The following NMNAT3 variants were observed in gnomAD, a reference collection of about 807,000 sequenced individuals.
The protein encoded by NMNAT3 is nicotinamide nucleotide adenylyltransferase 3, also known as nicotinamide/nicotinic acid mononucleotide adenylyltransferase 3.
NMNAT3 carries 21 observed loss-of-function variants against 24.8 expected under a neutral mutation model. The observed-to-expected ratio is 0.85, with a 90% CI of 0.60 to 1.22. The LOEUF is 1.22. NMNAT3 is among the 50% of genes most tolerant of loss of function. NMNAT3 has a pLI of 0.00. For missense variants in NMNAT3, 387 were observed against 436.6 expected (o/e 0.89, Z 1.01); for synonymous variants, 136 against 155.2 (o/e 0.88, Z 0.92).
chr3:139,573,618 G>A lies in NMNAT3; in HGVS notation c.638C>T (p.Ala213Val). 1 of 1,601,852 alleles carries A rather than the reference G, an allele frequency of 6.2e-7. No homozygotes were observed. ...CCCACCTGCAGGGGTCGAGAAGAGT[G>A]CCTTGCCATGGTCTGGGCCTTCCAT... The change falls in exon 6 of 7, where the codon GCA becomes GTA. Residue 213 changes from alanine (A) to valine (V), a missense_variant. Around this residue, in one of 3 missense-constraint regions of NMNAT3, gnomAD observed 323 missense variants for 345.2 expected, o/e 0.94. Coordinates refer to ENST00000643695, the MANE Select transcript of NMNAT3 (RefSeq NM_001320510.2).
chr3:139,644,197 G>T (rs959948460), intron 1 of NMNAT3, among the ~76,000 whole-genome samples: 1 of 152,100 alleles, frequency 6.6e-6, no homozygotes, highest in Admixed American at 6.6e-5. Flanking sequence ...CAACCTAATT[G>T]ATAACACATT....
intron 2 of NMNAT3, chr3:139,636,770 T>C (rs937545628): frequency 3.9e-5 from 6 of 152,188 alleles, no homozygotes; most frequent in African/African-American, 1.4e-4. Flanking sequence ...TTTTTAGCAA[T>C]GTTATGAGTG....
chr3:139,652,649 T>C (rs928579921), intron 1 of NMNAT3, among the ~76,000 whole-genome samples: 5 of 152,216 alleles, frequency 3.3e-5, no homozygotes, highest in African/African-American at 1.2e-4. Flanking sequence ...ATTGACTCCC[T>C]GGTTCCCAAC....
intron 3 of NMNAT3, among the ~76,000 whole-genome samples, chr3:139,596,860 C>T (rs182959540): frequency 0.012 from 1,649 of 141,188 alleles, 17 homozygotes; most frequent in Middle Eastern, 0.079. Context: ...AACAAATGTC[C>T]TTGGCTGTTC....
chr3:139,647,502 G>C (rs569817332), intron 1 of NMNAT3, among the ~76,000 whole-genome samples: 2 of 152,290 alleles, frequency 1.3e-5, no homozygotes, highest in South Asian at 4.1e-4. Flanking sequence ...TTGGAAAAAG[G>C]GTCATTGCAG....
intron 3 of NMNAT3, among the ~76,000 whole-genome samples, chr3:139,592,221 G>C (rs1243862783): frequency 6.6e-6 from 1 of 152,178 alleles, no homozygotes; most frequent in Non-Finnish European, 1.5e-5. Context: ...GGGTATCAGC[G>C]ATGGAAGATG....
chr3:139,641,821 T>C, intron 1 of NMNAT3, among the ~76,000 whole-genome samples: 1 of 152,226 alleles, frequency 6.6e-6, no homozygotes, highest in East Asian at 1.9e-4. Context: ...TGGTCCTTCT[T>C]GCAGCACAGC....
chr3:139,672,720 G>A (rs924068661), intron 1 of NMNAT3: 1 of 152,178 alleles, frequency 6.6e-6, no homozygotes, highest in Non-Finnish European at 1.5e-5. Flanking sequence ...AGACTGGTAG[G>A]GATTGGAGAT....
intron 3 of NMNAT3, among the ~76,000 whole-genome samples, chr3:139,612,733 G>A (rs2055285184): frequency 6.6e-6 from 1 of 152,168 alleles, no homozygotes; most frequent in African/African-American, 2.4e-5. Context: ...CACATGGTGA[G>A]CGAGTTGGTT....
intron 1 of NMNAT3, among the ~76,000 whole-genome samples, chr3:139,640,109 G>A (rs982404730): frequency 1.3e-5 from 2 of 152,174 alleles, no homozygotes; most frequent in Non-Finnish European, 2.9e-5. Flanking sequence ...GCACCAGCAG[G>A]ACAGGTTTTC....
chr3:139,614,309 A>G (rs910884839), intron 3 of NMNAT3, among the ~76,000 whole-genome samples: 3 of 151,212 alleles, frequency 2.0e-5, no homozygotes, highest in Admixed American at 2.0e-4. Context: ...GGCATTTCAG[A>G]CTCCACGATC....
In NMNAT3 at chr3:139,669,264, G is replaced by C. The variant is rs527338893; in HGVS notation, c.-141+8441C>G. On this transcript the variant is annotated intron_variant, in intron 1 of 6. Coordinates refer to ENST00000643695, the MANE Select transcript of NMNAT3 (RefSeq NM_001320510.2). ...AAGGCAGGCAGATCACTTGAGCCTTGGAGTTCAAAACCAGCCTGAACAATA... is the reference window on the plus strand; with the variant it reads ...AAGGCAGGCAGATCACTTGAGCCTTCGAGTTCAAAACCAGCCTGAACAATA... Among the ~76,000 whole-genome samples the C allele has an allele frequency of 3.2e-4, 49 of 152,030 alleles. No homozygotes were observed. The South Asian group carries it at 9.8e-3, about 30-fold the overall frequency.
intron 6 of NMNAT3, chr3:139,566,458 A>T (rs1262995430): frequency 6.6e-6 from 1 of 152,186 alleles, no homozygotes; most frequent in Non-Finnish European, 1.5e-5. Context: ...CCTGAATGGT[A>T]ATGCCTAGGT....
At chr3:139,632,471 C>T (rs1457829851) in intron 2 of NMNAT3, among the ~76,000 whole-genome samples, 1 of 152,242 alleles carries the variant, frequency 6.6e-6, no homozygotes, top group South Asian at 2.1e-4. Flanking sequence ...TTTGCCAAGA[C>T]AGTCCAGACA....
chr3:139,582,517 C>T (rs2053689490), intron 4 of NMNAT3, among the ~76,000 whole-genome samples: 1 of 151,458 alleles, frequency 6.6e-6, no homozygotes, highest in African/African-American at 2.4e-5. Context: ...TGGTGGGCAC[C>T]TGTAATCCCA....
chr3:139,635,443 C>G (rs907641538), intron 2 of NMNAT3: 3 of 152,182 alleles, frequency 2.0e-5, no homozygotes, highest in Non-Finnish European at 4.4e-5. Context: ...CATGAACAGA[C>G]AGTCTAATAT....
intron 3 of NMNAT3, among the ~76,000 whole-genome samples, chr3:139,591,633 G>C (rs548848812): frequency 2.0e-4 from 31 of 152,346 alleles, no homozygotes; most frequent in African/African-American, 5.0e-4. Context: ...AGAACGGGCA[G>C]ACTGCCTCCT....
intron 1 of NMNAT3, among the ~76,000 whole-genome samples, chr3:139,649,391 T>C (rs1480024502): frequency 6.6e-6 from 1 of 152,132 alleles, no homozygotes; most frequent in Non-Finnish European, 1.5e-5. Context: ...GTCTTCCATG[T>C]TTTTATTTAA....
intron 1 of NMNAT3, among the ~76,000 whole-genome samples, chr3:139,665,725 G>GGAGAGA (rs10547665): frequency 0.012 from 1,710 of 139,608 alleles, 13 homozygotes; most frequent in African/African-American, 0.023. Context: ...ATTTGTAACA[G>GGAGAGA]GAGAGAGAGA....
Sources: gnomAD v4.1 joint callset for allele counts (sites outside exome capture counted in the v4.1 genomes callset) on GRCh38, gnomAD v4.1.1 for gene constraint, gnomAD v4.1.1 regional missense constraint, MANE v1.5 for transcripts, NCBI Gene and HGNC (gene_info 2026-07-23, HGNC 2026-07-21) for gene names.